PRKAR1B: variants seen among roughly 807,000 people sequenced by gnomAD.
PRKAR1B encodes protein kinase cAMP-dependent type I regulatory subunit beta.
Under a neutral mutation model 46.5 loss-of-function variants are expected in PRKAR1B, and 22 were observed. The ratio of observed to expected loss-of-function variants is 0.47; its 90% CI spans 0.34 to 0.68. The LOEUF (loss-of-function observed/expected upper bound fraction) is 0.68. Ranked by LOEUF, PRKAR1B falls within the 30% of genes least tolerant of loss-of-function variation. PRKAR1B has a pLI of 0.01. For synonymous variants in PRKAR1B, 259 were observed against 217.7 expected, an observed-to-expected ratio of 1.19 and a Z score of -1.67; for missense variants, 445 against 535.6, an observed-to-expected ratio of 0.83 and a Z score of 1.67.
chr7:712,161 C>T (rs1212161276), intron 1 of PRKAR1B, among the ~76,000 whole-genome samples: 16 of 150,976 alleles, frequency 1.1e-4, no homozygotes, highest in Non-Finnish European at 1.6e-4. Flanking sequence ...GGACCCCAGC[C>T]CCCCGCCACG....
rs13247591 is a variant in PRKAR1B at position 560,043 on chromosome 7, T to C, written c.892-8573A>G. Among the ~76,000 whole-genome samples the C allele has an allele frequency of 0.11, 16,594 of 152,190 alleles. 961 individuals are homozygous for C. The highest frequency in any genetic ancestry group is 0.24 in the East Asian group (1,215 of 5,152). On this transcript the variant is annotated intron_variant, in intron 9 of 10. Coordinates refer to ENST00000537384, the MANE Select transcript of PRKAR1B (RefSeq NM_001164760.2). The surrounding 1 kb of genome is among the most constrained non-coding windows in gnomAD (Gnocchi z 4.2). Reference sequence around the variant, plus strand: ...CAAAGCAGGACCCTGTCTCTAATAATGACAAGGTTTGGCGGTGTCCCCACC... The same window carrying C: ...CAAAGCAGGACCCTGTCTCTAATAACGACAAGGTTTGGCGGTGTCCCCACC...
At chr7:650,808 C>G (rs1784867164) in intron 4 of PRKAR1B, among the ~76,000 whole-genome samples, 3 of 152,182 alleles carry the variant, frequency 2.0e-5, no homozygotes, top group African/African-American at 7.2e-5. Context: ...ACGTGGCCAG[C>G]AGGCAGCAGG....
In PRKAR1B at chr7:685,333, T is replaced by C. The variant is rs1410622933; in HGVS notation, c.178-4607A>G. ...GTATATATACGTATATATACGTATA[T>C]ATACGTATATATATGTATACATATA... On this transcript the variant is annotated intron_variant, in intron 2 of 10. Transcript: ENST00000537384. 1.2e-4 allele frequency among the ~76,000 whole-genome samples: 11 copies of C among 91,928 alleles called. 1 individual carries two copies. Among genetic ancestry groups the C allele is most frequent in the African/African-American group, 5.2e-4 (11 of 21,292 alleles). 60.3% of individuals were successfully genotyped at this position (91,928 alleles called of 152,430 possible).
At position 609,167 on chromosome 7, in the gene PRKAR1B, G is replaced by A. The variant is rs374460772; in HGVS notation, c.441-1715C>T. Among the ~76,000 whole-genome samples, 14 of 152,222 alleles carry A rather than the reference G, an allele frequency of 9.2e-5. 1 individual carries two copies. The highest frequency in any genetic ancestry group is 7.8e-4 in the Admixed American group (12 of 15,304). ...AGTCCCGGGCACCTGGCCCCGGTGG[G>A]GACATTTCCTGGCCACGGCCTCCCT... On this transcript the variant is annotated intron_variant, in intron 4 of 10. Coordinates refer to ENST00000537384, the MANE Select transcript of PRKAR1B (RefSeq NM_001164760.2).
At chr7:694,263 CGA>C (rs1174603388) in intron 2 of PRKAR1B, among the ~76,000 whole-genome samples, 2 of 151,988 alleles carry the variant, frequency 1.3e-5, no homozygotes, top group African/African-American at 2.4e-5. Flanking sequence ...CCAGCCTGGG[CGA>C]GAGAGCGAGA....
chr7:551,274 C>T, intron 10 of PRKAR1B, 115 bp downstream of exon 10: 2 of 975,736 alleles, frequency 2.0e-6, no homozygotes, highest in Non-Finnish European at 1.5e-6. Context: ...TCAGCCAAGC[C>T]CCACTACAAG....
intron 4 of PRKAR1B, among the ~76,000 whole-genome samples, chr7:642,873 G>A (rs532577557): frequency 6.6e-6 from 1 of 151,612 alleles, no homozygotes; most frequent in East Asian, 1.9e-4. Context: ...CAGTGAGACC[G>A]TGGGTCGCAG....
At chr7:695,428 C>A (rs1779676851) in intron 2 of PRKAR1B, among the ~76,000 whole-genome samples, 1 of 152,144 alleles carries the variant, frequency 6.6e-6, no homozygotes, top group African/African-American at 2.4e-5. Context: ...GAGCCCCGTG[C>A]CGGTCAGGAA....
intron 2 of PRKAR1B, among the ~76,000 whole-genome samples, chr7:687,527 G>A (rs1779157655): frequency 6.6e-6 from 1 of 152,186 alleles, no homozygotes; most frequent in South Asian, 2.1e-4. Flanking sequence ...GCAGTACAAA[G>A]ACAGGAAAGG....
Position 602,697 on chromosome 7 carries a change from G to C in PRKAR1B, c.549+3496C>G, listed in dbSNP as rs757150469. Reference sequence around the variant, plus strand: ...GGGGTGGACGAGGCTCTTGCGGTGCGTGTGTTGGGGACATGAGACGGGGCG... The same window carrying C: ...GGGGTGGACGAGGCTCTTGCGGTGCCTGTGTTGGGGACATGAGACGGGGCG... On this transcript the variant is annotated intron_variant, in intron 6 of 10. Transcript: ENST00000537384. This position sits in a 1 kb window ranked among gnomAD's most constrained non-coding sequence, Gnocchi z 6.4. The C allele has an allele frequency of 1.2e-5, 2 of 170,330 alleles. No individual in the cohort carries two copies. Among genetic ancestry groups the C allele is most frequent in the African/African-American group, 4.8e-5 (2 of 41,536 alleles). The allele number at this position is 170,330 out of a possible 1,614,324, so 10.6% of individuals were successfully genotyped here.
chr7:620,402 C>T (rs1296650945), intron 4 of PRKAR1B, among the ~76,000 whole-genome samples: 1 of 152,128 alleles, frequency 6.6e-6, no homozygotes, highest in East Asian at 1.9e-4. Context: ...GTGGCTGTTG[C>T]CCTCATGAAT....
At chr7:561,446 A>C (rs1778793385) in intron 9 of PRKAR1B, among the ~76,000 whole-genome samples, 1 of 152,132 alleles carries the variant, frequency 6.6e-6, no homozygotes, top group African/African-American at 2.4e-5. Context: ...ATTTCACCTG[A>C]AGCTCCCTTC....
At chr7:563,939 G>A (rs1778978889) in intron 9 of PRKAR1B, among the ~76,000 whole-genome samples, 1 of 152,116 alleles carries the variant, frequency 6.6e-6, no homozygotes, top group Admixed American at 6.5e-5. Flanking sequence ...TGGTGTGCAT[G>A]GGTGCACACT....
intron 4 of PRKAR1B, among the ~76,000 whole-genome samples, chr7:634,610 T>C (rs1392130705): frequency 6.6e-6 from 1 of 151,574 alleles, no homozygotes; most frequent in Non-Finnish European, 1.5e-5. Context: ...GTGAAGCATT[T>C]AAGGCGTGGG....
At chr7:726,711 C>T in intron 1 of PRKAR1B, 2 of 1,238,436 alleles carry the variant, frequency 1.6e-6, no homozygotes, top group Non-Finnish European at 2.0e-6. Context: ...TGACCGGCGA[C>T]GCGGGCAAGA....
At chr7:596,358 C>T (rs1381483083) in intron 6 of PRKAR1B, 54 bp from the exon 7 acceptor site, 1 of 1,564,368 alleles carries the variant, frequency 6.4e-7, no homozygotes, top group Non-Finnish European at 8.7e-7. Context: ...GTGACCTCCT[C>T]TGCATCCCAT....
chr7:606,294 A>G (rs369789390), intron 5 of PRKAR1B, 55 bp from the exon 6 acceptor site: 11 of 1,571,286 alleles, frequency 7.0e-6, no homozygotes, highest in South Asian at 2.2e-5. Flanking sequence ...CATACAAGTT[A>G]CAGTTTCTCT....
At chr7:713,333 CCCAGCCCCCGGATCCTCCACCCGCCTGT>C (rs973755274) in intron 1 of PRKAR1B, 3 of 156,280 alleles carry the variant, frequency 1.9e-5, no homozygotes, top group Non-Finnish European at 4.2e-5. Flanking sequence ...CACCCACCTG[CCCAGCCCCCGGATCCTCCACCCGCCTGT>C]CCAGCCCCCG....
intron 2 of PRKAR1B, among the ~76,000 whole-genome samples, chr7:682,670 G>A (rs1380661249): frequency 2.0e-5 from 3 of 152,006 alleles, no homozygotes; most frequent in South Asian, 4.2e-4. Flanking sequence ...GCGTGAACCC[G>A]GGAGTGAGCT....
Sources: gnomAD v4.1 joint callset for allele counts (sites outside exome capture counted in the v4.1 genomes callset) on GRCh38, gnomAD v4.1.1 for gene constraint, Gnocchi (gnomAD v3.1) non-coding constraint, MANE v1.5 for transcripts, NCBI Gene and HGNC (gene_info 2026-07-23, HGNC 2026-07-21) for gene names.